ENTPD5: variants seen among roughly 807,000 people sequenced by gnomAD.
ENTPD5 encodes ectonucleoside triphosphate diphosphohydrolase 5 (inactive).
Under a neutral mutation model 60.2 loss-of-function variants are expected in ENTPD5, and 49 were observed. The observed-to-expected ratio is 0.81, with a 90% CI of 0.65 to 1.03. The LOEUF (loss-of-function observed/expected upper bound fraction) is 1.03. Among genes scored for constraint, ENTPD5 ranks in the 50% least tolerant of loss-of-function variants. The probability of loss-of-function intolerance (pLI) is 0.00; values close to 1 mark genes in which losing one functional copy is unlikely to be tolerated. For missense variants in ENTPD5, 480 were observed against 507.6 expected (o/e 0.95, Z 0.52); for synonymous variants, 187 against 185.4 (o/e 1.01, Z -0.07).
chr14:73,986,209 C>T (rs906664998), intron 5 of ENTPD5: 2 of 152,044 alleles, frequency 1.3e-5, no homozygotes, highest in Admixed American at 6.6e-5. Context: ...AATACCTTTA[C>T]ATTTGCTCCC....
At chr14:73,969,962 C>A (rs916391485) in intron 15 of ENTPD5, 48 bp downstream of exon 15, 2 of 1,308,536 alleles carry the variant, frequency 1.5e-6, no homozygotes, top group South Asian at 1.2e-5. Context: ...TCCTTCTCAA[C>A]CCCCACAAAA....
chr14:74,005,782 G>C (rs1393890074), intron 3 of ENTPD5, among the ~76,000 whole-genome samples: 1 of 151,990 alleles, frequency 6.6e-6, no homozygotes, highest in Non-Finnish European at 1.5e-5. Context: ...ACTCCAGCCT[G>C]GGAGACAGAG....
chr14:73,975,809 A>C (rs1252558955), intron 10 of ENTPD5, 127 bp downstream of exon 10: 20 of 711,312 alleles, frequency 2.8e-5, no homozygotes, highest in South Asian at 1.1e-4. Flanking sequence ...TTCAGTTGAT[A>C]GGCCTTAGGG....
chr14:73,992,451 G>A (rs1489257986), intron 3 of ENTPD5, among the ~76,000 whole-genome samples: 2 of 152,126 alleles, frequency 1.3e-5, no homozygotes, highest in African/African-American at 4.8e-5. Context: ...TTGGGAGGCT[G>A]AGGTGAGTAG....
At chr14:74,001,397 G>A (rs1425994730) in intron 3 of ENTPD5, among the ~76,000 whole-genome samples, 1 of 151,896 alleles carries the variant, frequency 6.6e-6, no homozygotes, top group African/African-American at 2.4e-5. Flanking sequence ...AGCTACTCGG[G>A]AGGGTTAGGC....
At chr14:73,989,468 C>A (rs1283544257) in intron 3 of ENTPD5, among the ~76,000 whole-genome samples, 1 of 149,244 alleles carries the variant, frequency 6.7e-6, no homozygotes, top group Non-Finnish European at 1.5e-5. Context: ...GAGGCCGAGG[C>A]GGGCGGATCA....
At chr14:73,982,178 G>A (rs551682468) in intron 6 of ENTPD5, among the ~76,000 whole-genome samples, 1 of 152,236 alleles carries the variant, frequency 6.6e-6, no homozygotes, top group East Asian at 1.9e-4. Context: ...GGGTTGAAGC[G>A]ATTCTCCTGC....
intron 12 of ENTPD5, among the ~76,000 whole-genome samples, 194 bp downstream of exon 12, chr14:73,973,683 C>T (rs774335580): frequency 4.6e-5 from 7 of 152,172 alleles, no homozygotes; most frequent in Non-Finnish European, 8.8e-5. Context: ...GTCCATGACA[C>T]TTGGCTGATG....
At chr14:74,000,829 ACAGAAATAACT>A (rs2058486075) in intron 3 of ENTPD5, among the ~76,000 whole-genome samples, 1 of 152,138 alleles carries the variant, frequency 6.6e-6, no homozygotes, top group East Asian at 1.9e-4. Context: ...TGAAAAATGG[ACAGAAATAACT>A]ACAGAAATAA....
intron 10 of ENTPD5, among the ~76,000 whole-genome samples, chr14:73,975,483 C>A (rs543235367): frequency 7.7e-4 from 116 of 149,724 alleles, no homozygotes; most frequent in African/African-American, 2.7e-3. Flanking sequence ...CGGCTCACTG[C>A]AATCTCCGCC....
intron 6 of ENTPD5, 25 bp from the exon 7 acceptor site, chr14:73,977,399 A>AC (rs1214404335): frequency 1.2e-5 from 18 of 1,506,220 alleles, no homozygotes; most frequent in Non-Finnish European, 1.5e-5. Flanking sequence ...AAAAAAAAAA[A>AC]AAAGAATTCC....
intron 1 of ENTPD5, among the ~76,000 whole-genome samples, chr14:74,018,001 G>A (rs2059101869): frequency 6.6e-6 from 1 of 152,040 alleles, no homozygotes; most frequent in South Asian, 2.1e-4. Flanking sequence ...GGCCAGCATG[G>A]TGAAACTCCA....
At chr14:74,004,105 A>T (rs2058595738) in intron 3 of ENTPD5, among the ~76,000 whole-genome samples, 1 of 152,176 alleles carries the variant, frequency 6.6e-6, no homozygotes, top group Non-Finnish European at 1.5e-5. Flanking sequence ...ACCCTGTCTC[A>T]AAAAATAAAT....
At chr14:73,968,010 G>T (rs1417511505) in intron 15 of ENTPD5, among the ~76,000 whole-genome samples, 2 of 151,952 alleles carry the variant, frequency 1.3e-5, no homozygotes, top group African/African-American at 2.4e-5. Flanking sequence ...TGTAATCCCA[G>T]CTACTTCGGA....
downstream of ENTPD5, chr14:73,955,466 A>G (rs866650665): frequency 1.9e-6 from 3 of 1,613,998 alleles, no homozygotes; most frequent in African/African-American, 4.0e-5. Flanking sequence ...GGTGCCTGGG[A>G]CCATATCTGC....
intron 7 of ENTPD5, 61 bp downstream of exon 7, chr14:73,977,238 G>A: frequency 7.1e-7 from 1 of 1,410,858 alleles, no homozygotes; most frequent in Non-Finnish European, 9.9e-7. Context: ...AGTTCCTTTA[G>A]TTAGATCTTT....
chr14:73,961,595 A>G (rs746076594), downstream of ENTPD5: 6 of 1,612,314 alleles, frequency 3.7e-6, no homozygotes, highest in South Asian at 6.6e-5. Flanking sequence ...ACTATGGGGA[A>G]GTATCCAGAG....
rs143728364 is a variant in ENTPD5, at chr14:73,998,197, G to A, written c.-70-10025C>T. On this transcript the variant is annotated intron_variant, in intron 3 of 15. Transcript: ENST00000334696. ...TGCTGAGGGCAGTCACACCCCCAGC[G>A]CAGTGTTCCTTGCAATTATCTATAG... 6.2e-3 allele frequency among the ~76,000 whole-genome samples: 944 copies of A among 152,228 alleles called. 2 individuals carry two copies. The highest frequency in any genetic ancestry group is 0.027 in the South Asian group (128 of 4,824).
downstream of ENTPD5, chr14:73,955,832 AT>A: frequency 6.2e-7 from 1 of 1,614,076 alleles, no homozygotes; most frequent in South Asian, 1.1e-5. Context: ...AGAGGCCCTG[AT>A]AATGTTTGAT....
Sources: allele counts gnomAD v4.1 joint callset (sites outside exome capture counted in the v4.1 genomes callset), GRCh38; gene constraint gnomAD v4.1.1; transcripts MANE v1.5; gene names NCBI Gene and HGNC (gene_info 2026-07-23, HGNC 2026-07-21).